The following NLGN1 variants were observed in gnomAD, a reference collection of about 807,000 sequenced individuals.
The protein encoded by NLGN1 is neuroligin 1.
A neutral mutation model predicts 65.5 loss-of-function variants in NLGN1; 12 were observed. The ratio of observed to expected loss-of-function variants is 0.18; its 90% CI spans 0.12 to 0.30. The LOEUF (loss-of-function observed/expected upper bound fraction) is 0.30, where lower values mean the gene tolerates loss of function less well. NLGN1 is among the 10% of genes least tolerant of loss of function. The pLI is 1.00. For synonymous variants in NLGN1, 350 were observed against 359.5 expected (o/e 0.97, Z 0.30); for missense variants, 750 against 1,007.1 (o/e 0.74, Z 3.46).
chr3:174,160,512 A>T (rs530338451), intron 4 of NLGN1, among the ~76,000 whole-genome samples: 104 of 151,792 alleles, frequency 6.9e-4, no homozygotes, highest in African/African-American at 2.4e-3. Context: ...TTTCCACAAG[A>T]GCTTTTCTTC....
At chr3:173,894,945 T>A (rs1380117376) in intron 4 of NLGN1, among the ~76,000 whole-genome samples, 1 of 152,180 alleles carries the variant, frequency 6.6e-6, no homozygotes, top group East Asian at 1.9e-4. Context: ...CCAATAAATT[T>A]ATTTTCTTAT....
At chr3:174,017,783 A>G (rs543977320) in intron 4 of NLGN1, among the ~76,000 whole-genome samples, 11 of 152,264 alleles carry the variant, frequency 7.2e-5, no homozygotes, top group African/African-American at 2.4e-4. Flanking sequence ...TTCACAAGGT[A>G]ATAAAATATT....
At chr3:174,057,797 T>G (rs1323632366) in intron 4 of NLGN1, 1 of 152,090 alleles carries the variant, frequency 6.6e-6, no homozygotes, top group Non-Finnish European at 1.5e-5. Flanking sequence ...GAAATCATCT[T>G]TAGTCATGTT....
intron 2 of NLGN1, among the ~76,000 whole-genome samples, chr3:173,556,824 T>A (rs1741786802): frequency 6.6e-6 from 1 of 151,990 alleles, no homozygotes; most frequent in Non-Finnish European, 1.5e-5. Flanking sequence ...AAAATTGCTG[T>A]TGATTTCTAA....
chr3:173,458,660 C>G (rs1359162222), intron 2 of NLGN1, among the ~76,000 whole-genome samples: 1 of 152,080 alleles, frequency 6.6e-6, no homozygotes, highest in Admixed American at 6.6e-5. Flanking sequence ...CTCTAATCCA[C>G]AAGTTGAGTT....
At chr3:174,292,012 G>A in the NLGN1 span, among the ~76,000 whole-genome samples, 1 of 151,248 alleles carries the variant, frequency 6.6e-6, no homozygotes, top group Non-Finnish European at 1.5e-5. Flanking sequence ...ACTGCTTTAT[G>A]TGTAACACAG....
chr3:173,787,911 A>G (rs898103855), intron 3 of NLGN1, among the ~76,000 whole-genome samples: 2 of 152,236 alleles, frequency 1.3e-5, no homozygotes, highest in African/African-American at 4.8e-5. Flanking sequence ...ACGTGATCAC[A>G]GATTATGAAA....
At chr3:173,896,323 G>A (rs1032172400) in intron 4 of NLGN1, among the ~76,000 whole-genome samples, 30 of 152,114 alleles carry the variant, frequency 2.0e-4, no homozygotes, top group Admixed American at 1.0e-3. Context: ...AATAATTACC[G>A]TCCAGCTGAT....
intron 2 of NLGN1, among the ~76,000 whole-genome samples, chr3:173,498,615 T>C (rs1050224514): frequency 1.3e-5 from 2 of 151,868 alleles, no homozygotes; most frequent in African/African-American, 2.4e-5. Flanking sequence ...TCTAGATCCC[T>C]GAGGAATCAC....
chr3:173,915,579 C>A (rs1368875048), intron 4 of NLGN1, among the ~76,000 whole-genome samples: 1 of 152,218 alleles, frequency 6.6e-6, no homozygotes, highest in Non-Finnish European at 1.5e-5. Flanking sequence ...CTTCTAGAAT[C>A]ATTCTCACTA....
intron 4 of NLGN1, among the ~76,000 whole-genome samples, chr3:174,088,382 T>C (rs537897584): frequency 1.3e-5 from 2 of 151,704 alleles, no homozygotes; most frequent in South Asian, 2.1e-4. Context: ...ACTGCCTTTA[T>C]TGCCGCAATT....
chr3:174,066,550 C>G lies in NLGN1; in HGVS notation c.647-208765C>G, dbSNP rs867120325. On this transcript the variant is annotated intron_variant, in intron 4 of 6. Coordinates refer to ENST00000457714, the Ensembl canonical transcript of NLGN1. ...TCTCTCTCTCTCTCTCTCTCTCTCT[C>G]TCTCTCTCTCTCTCTGTGTGTGTGT... Among the ~76,000 whole-genome samples, 218 of 113,750 alleles carry G rather than the reference C, an allele frequency of 1.9e-3. 2 individuals carry two copies. The highest frequency in any genetic ancestry group is 5.7e-3 in the African/African-American group (165 of 28,716). 74.6% of individuals were successfully genotyped at this position (113,750 alleles called of 152,430 possible). A position where few individuals can be genotyped will look rare whatever the true frequency, so the allele number is the denominator to read the frequency against.
intron 4 of NLGN1, among the ~76,000 whole-genome samples, chr3:173,988,498 G>A (rs1019295778): frequency 2.6e-5 from 4 of 152,100 alleles, no homozygotes; most frequent in South Asian, 2.1e-4. Flanking sequence ...ATTTCAGGAT[G>A]CATGAAGGAA....
rs545428060 is a variant in NLGN1 at position 174,087,031 on chromosome 3, A to C, written c.647-188284A>C. Among the ~76,000 whole-genome samples, 3 of 152,320 alleles carry C rather than the reference A, an allele frequency of 2.0e-5. No individual in the cohort carries two copies. In the East Asian group the frequency reaches 5.8e-4, roughly 29 times the overall value. ...AAACTAATACAGGAACAGAAAACCA[A>C]ACACTGCGCATTCTCACATATAAGT... On this transcript the variant is annotated intron_variant, in intron 4 of 6. Transcript: ENST00000457714.
At chr3:173,429,398 T>C (rs547026672) in intron 1 of NLGN1, among the ~76,000 whole-genome samples, 1 of 152,334 alleles carries the variant, frequency 6.6e-6, no homozygotes, top group South Asian at 2.1e-4. Flanking sequence ...ACCGATTTAC[T>C]GTGTTATCTT....
At chr3:174,057,611 T>C (rs1736441596) in intron 4 of NLGN1, 1 of 151,512 alleles carries the variant, frequency 6.6e-6, no homozygotes, top group African/African-American at 2.4e-5. Context: ...TGAAAGTACA[T>C]TGATCCTGCC....
At chr3:174,110,338 G>A (rs905122705) in intron 4 of NLGN1, among the ~76,000 whole-genome samples, 3 of 151,870 alleles carry the variant, frequency 2.0e-5, no homozygotes, top group African/African-American at 2.4e-5. Flanking sequence ...CATTATTACT[G>A]TGTTTAGTTT....
intron 3 of NLGN1, among the ~76,000 whole-genome samples, chr3:173,711,004 C>T (rs936150219): frequency 1.3e-5 from 2 of 152,134 alleles, no homozygotes; most frequent in South Asian, 4.1e-4. Context: ...GTTTGAGACT[C>T]TAGAACTCAG....
chr3:174,188,405 G>A (rs147876342), intron 4 of NLGN1, among the ~76,000 whole-genome samples: 34 of 152,054 alleles, frequency 2.2e-4, no homozygotes, highest in African/African-American at 7.7e-4. Context: ...CATTCACTGC[G>A]CAGTTGCTGT....
Sources: gnomAD v4.1 joint callset for allele counts (sites outside exome capture counted in the v4.1 genomes callset) on GRCh38, gnomAD v4.1.1 for gene constraint, MANE v1.5 for transcripts, NCBI Gene and HGNC (gene_info 2026-07-23, HGNC 2026-07-21) for gene names.